RHCE: variants seen among roughly 807,000 people sequenced by gnomAD.
RHCE encodes the protein blood group Rh(CE) polypeptide.
A neutral mutation model predicts 43.8 loss-of-function variants in RHCE; 22 were observed. That is an observed-to-expected ratio of 0.50 (90% CI 0.36 to 0.72). The LOEUF is 0.72. RHCE is among the 30% of genes least tolerant of loss of function. RHCE has a pLI of 0.00. For missense variants in RHCE, 385 were observed against 525.4 expected, an observed-to-expected ratio of 0.73 and a Z score of 2.61; for synonymous variants, 156 against 210.7, an observed-to-expected ratio of 0.74 and a Z score of 2.25.
At position 25,362,342 on chromosome 1, in the gene RHCE, T is replaced by G; in HGVS notation, c.*185A>C. 1 of 1,335,040 alleles carries G rather than the reference T, an allele frequency of 7.5e-7. No homozygotes were observed. The highest frequency in any genetic ancestry group is 1.3e-5 in the South Asian group (1 of 75,096). The allele number at this position is 1,335,040 out of a possible 1,614,324, so 82.7% of individuals were successfully genotyped here. A position where few individuals can be genotyped will look rare whatever the true frequency, so the allele number is the denominator to read the frequency against. On this transcript the variant is annotated 3_prime_UTR_variant, in exon 10 of 10. Coordinates refer to ENST00000294413, the MANE Select transcript of RHCE (RefSeq NM_020485.8). ...AACTAAACATTTATTTTAAACTTAT[T>G]AAATTGACTCTTAAACTAAGTTTTT...
chr1:25,372,575 C>T (rs140354121), intron 8 of RHCE, among the ~76,000 whole-genome samples: 1,587 of 151,586 alleles, frequency 0.01, 67 homozygotes, highest in African/African-American at 0.037. Context: ...TCACTTCTAA[C>T]TTCTGCTGGT....
chr1:25,401,084 A>G (rs923186932), intron 3 of RHCE, among the ~76,000 whole-genome samples: 1 of 152,144 alleles, frequency 6.6e-6, no homozygotes, highest in African/African-American at 2.4e-5. Context: ...GTCAGATCAT[A>G]GCTCTCCTCT....
intron 3 of RHCE, among the ~76,000 whole-genome samples, chr1:25,394,570 C>T (rs956994655): frequency 1.3e-5 from 2 of 152,128 alleles, no homozygotes; most frequent in African/African-American, 4.8e-5. Flanking sequence ...CATGCTATAT[C>T]TTTTGCCTAT....
intron 6 of RHCE, among the ~76,000 whole-genome samples, 163 bp from the exon 7 acceptor site, chr1:25,386,007 G>C (rs992122162): frequency 6.6e-6 from 1 of 152,112 alleles, no homozygotes; most frequent in African/African-American, 2.4e-5. Context: ...CACATCAATG[G>C]GGAGTTTGTT....
intron 6 of RHCE, among the ~76,000 whole-genome samples, chr1:25,386,653 T>C (rs1646173304): frequency 6.6e-6 from 1 of 152,112 alleles, no homozygotes; most frequent in African/African-American, 2.4e-5. Flanking sequence ...AAACCCCGTC[T>C]CTACTAAAAA....
chr1:25,425,307 T>C (rs1231112250), upstream of RHCE, among the ~76,000 whole-genome samples: 1 of 152,246 alleles, frequency 6.6e-6, no homozygotes, highest in Admixed American at 6.5e-5. Context: ...TCATTTTGCA[T>C]ATGCTATTTC....
intron 7 of RHCE, among the ~76,000 whole-genome samples, chr1:25,385,189 GC>G (rs1488627866): frequency 1.3e-5 from 2 of 152,284 alleles, no homozygotes; most frequent in South Asian, 4.1e-4. Context: ...CTCAGCCGAG[GC>G]CCACCCTTCT....
chr1:25,374,530 G>T (rs1323873012), intron 8 of RHCE, among the ~76,000 whole-genome samples: 1 of 148,920 alleles, frequency 6.7e-6, no homozygotes, highest in Non-Finnish European at 1.5e-5. Context: ...CTTTTATAAG[G>T]GCCTGCTCCT....
intron 1 of RHCE, among the ~76,000 whole-genome samples, chr1:25,409,878 C>T (rs111941366): frequency 0.3 from 45,328 of 151,402 alleles, 8,642 homozygotes; most frequent in Non-Finnish European, 0.43. Flanking sequence ...TAACTTGCCC[C>T]GGTGGGTAGA....
At chr1:25,390,106 C>A (rs192245940) in intron 5 of RHCE, among the ~76,000 whole-genome samples, 9 of 151,844 alleles carry the variant, frequency 5.9e-5, no homozygotes, top group Non-Finnish European at 1.3e-4. Context: ...ACCAGCTGGA[C>A]CCCCTGCCCC....
At chr1:25,415,621 C>T (rs28495308) in intron 1 of RHCE, among the ~76,000 whole-genome samples, 307 of 152,240 alleles carry the variant, frequency 2.0e-3, no homozygotes, top group African/African-American at 7.3e-3. Context: ...CACTGCACTC[C>T]CCTGGGCAAT....
intron 7 of RHCE, among the ~76,000 whole-genome samples, chr1:25,379,841 A>AT (rs1369550407): frequency 6.6e-6 from 1 of 151,992 alleles, no homozygotes; most frequent in East Asian, 1.9e-4. Context: ...TACCTGGCTA[A>AT]CTTTTTATTT....
intron 3 of RHCE, among the ~76,000 whole-genome samples, chr1:25,394,549 C>T (rs965625600): frequency 6.6e-6 from 1 of 152,152 alleles, no homozygotes; most frequent in African/African-American, 2.4e-5. Context: ...GTGGTACTTA[C>T]CACTCTCTAA....
intron 5 of RHCE, among the ~76,000 whole-genome samples, chr1:25,389,715 T>C (rs939441578): frequency 4.6e-5 from 7 of 152,096 alleles, no homozygotes; most frequent in African/African-American, 1.7e-4. Flanking sequence ...TGTTATTGTT[T>C]TTATTATTAT....
intron 3 of RHCE, among the ~76,000 whole-genome samples, chr1:25,392,955 C>T (rs1015157102): frequency 1.4e-4 from 21 of 152,190 alleles, no homozygotes; most frequent in African/African-American, 3.4e-4. Flanking sequence ...TACTTCTCAG[C>T]GGAATTTTAA....
chr1:25,406,231 G>GT (rs1646910934), intron 2 of RHCE, among the ~76,000 whole-genome samples: 1 of 59,484 alleles, frequency 1.7e-5, no homozygotes, highest in Admixed American at 1.6e-4. Flanking sequence ...GTGTGTATGC[G>GT]GGCGTGCGTG....
At chr1:25,389,260 G>A in intron 5 of RHCE, 147 bp from the exon 6 acceptor site, 4 of 1,415,978 alleles carry the variant, frequency 2.8e-6, no homozygotes, top group Non-Finnish European at 3.9e-6. Context: ...CCTGTGTTGG[G>A]GCTACGTGTC....
rs34136498 is a variant in RHCE, at chr1:25,402,754, T to G, written c.336-8A>C. On this transcript the variant is annotated splice_polypyrimidine_tract_variant and splice_region_variant and intron_variant, in intron 2 of 9. Transcript: ENST00000294413. The stretch of plus-strand genomic sequence containing the variant: ...ATGGTGGCCAGCCGAATACTGGGGG[T>G]GAGAAGGAGAGCCAGGATGACTGAG... The G allele has an allele frequency of 1.4e-5, 23 of 1,613,606 alleles. No homozygotes were observed. The highest frequency in any genetic ancestry group is 1.7e-5 in the Non-Finnish European group (20 of 1,179,936).
chr1:25,430,179 C>T (rs2042842234), exon 1 of RHCE: 1 of 152,002 alleles, frequency 6.6e-6, no homozygotes, highest in African/African-American at 2.4e-5. Flanking sequence ...CACCGCCGCA[C>T]ACGCCCCGGG....
Sources: allele counts gnomAD v4.1 joint callset (sites outside exome capture counted in the v4.1 genomes callset), GRCh38; gene constraint gnomAD v4.1.1; transcripts MANE v1.5; gene names NCBI Gene and HGNC (gene_info 2026-07-23, HGNC 2026-07-21).